SCMH1: variants seen among roughly 807,000 people sequenced by gnomAD.
SCMH1 encodes the protein Scm polycomb group protein homolog 1.
SCMH1 carries 37 observed loss-of-function variants against 70.8 expected under a neutral mutation model. The observed-to-expected ratio is 0.52, with a 90% CI of 0.40 to 0.69. The LOEUF is 0.69. Among genes scored for constraint, SCMH1 ranks in the 30% least tolerant of loss-of-function variants. The pLI is 0.00. For synonymous variants in SCMH1, 292 were observed against 307.4 expected (o/e 0.95, Z 0.52); for missense variants, 607 against 827.3 (o/e 0.73, Z 3.27).
In SCMH1 at chr1:41,030,445, G is replaced by A. The variant is rs1164912304; in HGVS notation, c.1679-1719C>T. On this transcript the variant is annotated intron_variant, in intron 13 of 14. Coordinates refer to ENST00000337495, the Ensembl canonical transcript of SCMH1. ...TACTCGCCGTGCTTCAAACACACTA[G>A]CCTTCTTTCTGCTTCTTGAATAAGT... Among the ~76,000 whole-genome samples, 6 of 152,054 alleles carry A rather than the reference G, an allele frequency of 3.9e-5. No homozygotes were observed. The East Asian group carries it at 9.6e-4, about 24-fold the overall frequency.
At chr1:41,240,742 TTTTC>T (rs1479052175) in intron 1 of SCMH1, among the ~76,000 whole-genome samples, 2 of 142,186 alleles carry the variant, frequency 1.4e-5, no homozygotes, top group Non-Finnish European at 3.2e-5. Flanking sequence ...CTACTAAATG[TTTTC>T]TTTTTTTTTT....
intron 6 of SCMH1, among the ~76,000 whole-genome samples, chr1:41,135,711 CAGT>C (rs1445182619): frequency 6.6e-6 from 1 of 152,190 alleles, no homozygotes; most frequent in Non-Finnish European, 1.5e-5. Flanking sequence ...TCCTTAGTCA[CAGT>C]AGCCAGTTCA....
intron 2 of SCMH1, among the ~76,000 whole-genome samples, chr1:41,169,002 T>C (rs938565100): frequency 6.6e-6 from 1 of 152,188 alleles, no homozygotes; most frequent in Non-Finnish European, 1.5e-5. Flanking sequence ...CCACTCTCTG[T>C]CTGCTCTAAG....
chr1:41,144,229 G>C (rs997885131), intron 5 of SCMH1, among the ~76,000 whole-genome samples: 2 of 151,958 alleles, frequency 1.3e-5, no homozygotes, highest in Non-Finnish European at 2.9e-5. Context: ...CCCTCAAAAT[G>C]AACCCCCTGC....
chr1:41,240,012 C>G (rs943620010), intron 1 of SCMH1, among the ~76,000 whole-genome samples: 13 of 152,194 alleles, frequency 8.5e-5, no homozygotes, highest in African/African-American at 2.9e-4. Context: ...CACTCCAAGT[C>G]CTTTGCAAGG....
At chr1:41,221,104 CCAT>C (rs566134543) in intron 1 of SCMH1, among the ~76,000 whole-genome samples, 127 of 152,276 alleles carry the variant, frequency 8.3e-4, no homozygotes, top group Admixed American at 3.1e-3. Flanking sequence ...ATTATTACCA[CCAT>C]CATCATCAAT....
intron 1 of SCMH1, among the ~76,000 whole-genome samples, chr1:41,240,871 C>T (rs1357153287): frequency 1.3e-5 from 2 of 151,902 alleles, no homozygotes; most frequent in Non-Finnish European, 2.9e-5. Flanking sequence ...GTTTTGTCTC[C>T]AGGATCACTT....
At position 41,230,912 on chromosome 1, in the gene SCMH1, T is replaced by C. The variant is rs577449898; in HGVS notation, c.-118+11147A>G. 2.0e-5 allele frequency among the ~76,000 whole-genome samples: 3 copies of C among 152,348 alleles called. No individual in the cohort carries two copies. The South Asian group carries it at 6.2e-4, about 32-fold the overall frequency. On this transcript the variant is annotated intron_variant, in intron 1 of 14. Coordinates refer to ENST00000337495, the Ensembl canonical transcript of SCMH1. ...CTGATATTCAACAAGGTTTGGGACT[T>C]GCTGCTACAAACGAAGTTAACCAGA...
intron 10 of SCMH1, among the ~76,000 whole-genome samples, chr1:41,062,021 C>T (rs1016328461): frequency 2.1e-4 from 32 of 152,044 alleles, no homozygotes; most frequent in African/African-American, 7.7e-4. Context: ...CATGCCACCA[C>T]ACCCGGCTAA....
chr1:41,050,321 T>C (rs1372149415), intron 10 of SCMH1, among the ~76,000 whole-genome samples: 1 of 152,182 alleles, frequency 6.6e-6, no homozygotes, highest in Non-Finnish European at 1.5e-5. Context: ...GCTCACTAGC[T>C]GAAGGGGTAG....
chr1:41,217,358 T>C (rs1009735019), intron 1 of SCMH1, among the ~76,000 whole-genome samples: 1 of 152,182 alleles, frequency 6.6e-6, no homozygotes, highest in African/African-American at 2.4e-5. Flanking sequence ...TCCTTGGTGC[T>C]TACAGTAAAA....
At chr1:41,073,678 C>A (rs1657293671) in intron 9 of SCMH1, among the ~76,000 whole-genome samples, 2 of 151,010 alleles carry the variant, frequency 1.3e-5, no homozygotes, top group South Asian at 4.2e-4. Flanking sequence ...ATGTACCCAC[C>A]CACCTACCCT....
intron 8 of SCMH1, among the ~76,000 whole-genome samples, chr1:41,105,811 G>A (rs141373236): frequency 4.0e-5 from 6 of 151,528 alleles, no homozygotes; most frequent in African/African-American, 1.2e-4. Flanking sequence ...TTTCATTGTT[G>A]CCAAAATGGT....
At chr1:41,054,847 G>A (rs1257979286) in intron 10 of SCMH1, among the ~76,000 whole-genome samples, 3 of 151,992 alleles carry the variant, frequency 2.0e-5, no homozygotes, top group African/African-American at 7.3e-5. Context: ...TGGCATGCAT[G>A]ATCATAGCTC....
intron 1 of SCMH1, among the ~76,000 whole-genome samples, chr1:41,200,436 C>A (rs981230537): frequency 1.3e-5 from 2 of 151,262 alleles, no homozygotes; most frequent in Non-Finnish European, 2.9e-5. Flanking sequence ...GCTGAGACTG[C>A]GCCACTGCAC....
chr1:41,148,317 C>T (rs1198241599), intron 5 of SCMH1, among the ~76,000 whole-genome samples: 1 of 152,140 alleles, frequency 6.6e-6, no homozygotes, highest in African/African-American at 2.4e-5. Context: ...ATATATCTAT[C>T]CTTATAATGA....
Position 41,113,308 on chromosome 1 carries a change from G to T in SCMH1, c.720C>A (p.Asp240Glu), listed in dbSNP as rs1227097040. The change falls in exon 8 of 15, where the codon GAC (aspartate) becomes GAA (glutamate). Residue 240 changes from aspartate to glutamate, a missense_variant. Physicochemically the swap from Asp to Glu is conservative, Grantham distance 45. Around this residue, in one of 3 missense-constraint regions of SCMH1, gnomAD observed 430 missense variants for 528.2 expected, o/e 0.81. Coordinates refer to ENST00000337495, the Ensembl canonical transcript of SCMH1. The surrounding 1 kb of genome is among the most constrained non-coding windows in gnomAD (Gnocchi z 4.3). ...CTTTGGTGCCAGGAGGCTGCAGGTT[G>T]TCTCCAGTCAAGGAACACCAGCCCA... 1 of 1,613,754 alleles carries T rather than the reference G, an allele frequency of 6.2e-7. No homozygotes were observed. Among genetic ancestry groups the T allele is most frequent in the East Asian group, 2.2e-5 (1 of 44,874 alleles).
chr1:41,158,026 T>C (rs1208384823), intron 4 of SCMH1, among the ~76,000 whole-genome samples: 2 of 152,184 alleles, frequency 1.3e-5, no homozygotes, highest in Non-Finnish European at 2.9e-5. Context: ...AAATAATACC[T>C]GGGATATAGT....
At chr1:41,172,281 T>A (rs1281301120) in intron 2 of SCMH1, among the ~76,000 whole-genome samples, 1 of 150,704 alleles carries the variant, frequency 6.6e-6, no homozygotes, top group Non-Finnish European at 1.5e-5. Context: ...TAAAAATCAG[T>A]AGCACTGAAC....
Sources: allele counts gnomAD v4.1 joint callset (sites outside exome capture counted in the v4.1 genomes callset), GRCh38; gene constraint gnomAD v4.1.1; regional missense constraint gnomAD v4.1.1; non-coding constraint Gnocchi (gnomAD v3.1); transcripts MANE v1.5; gene names NCBI Gene and HGNC (gene_info 2026-07-23, HGNC 2026-07-21).